Variants in RAB27A observed in about 807,000 individuals in gnomAD.
The protein encoded by RAB27A is ras-related protein Rab-27A.
Under a neutral mutation model 20.8 loss-of-function variants are expected in RAB27A, and 17 were observed. The ratio of observed to expected loss-of-function variants is 0.82; its 90% CI spans 0.56 to 1.23. RAB27A has a LOEUF of 1.23. Ranked by LOEUF, RAB27A falls within the 50% of genes most tolerant of loss-of-function variation. RAB27A has a pLI of 0.00. For synonymous variants in RAB27A, 85 were observed against 92.8 expected (o/e 0.92, Z 0.48); for missense variants, 277 against 266.7 (o/e 1.04, Z -0.27).
rs927260388 is a variant in RAB27A at position 55,301,275 on chromosome 15, T to A, written c.-112+12764A>T. Among the ~76,000 whole-genome samples the A allele has an allele frequency of 6.6e-5, 10 of 152,158 alleles. 1 individual carries two copies. The highest frequency in any genetic ancestry group is 5.9e-4 in the Admixed American group (9 of 15,276). On this transcript the variant is annotated intron_variant, in intron 2 of 5. Transcript: ENST00000563262. Reference sequence around the variant, plus strand: ...GCTCGGCTAATTTTTCTATTTTTGGTAGAGACAGGTTCAACATATTGGCCA... The same window carrying A: ...GCTCGGCTAATTTTTCTATTTTTGGAAGAGACAGGTTCAACATATTGGCCA...
chr15:55,262,796 C>A (rs1286895877), intron 2 of RAB27A, among the ~76,000 whole-genome samples: 2 of 151,986 alleles, frequency 1.3e-5, no homozygotes, highest in Non-Finnish European at 1.5e-5. Flanking sequence ...CTCAAGCCAC[C>A]CACCTGCCTC....
intron 1 of RAB27A, among the ~76,000 whole-genome samples, chr15:55,314,955 G>A (rs2055036637): frequency 6.6e-6 from 1 of 152,060 alleles, no homozygotes; most frequent in South Asian, 2.1e-4. Context: ...ATATAGCCAA[G>A]GCAACCCCAA....
At chr15:55,296,163 G>C (rs2054948445) in intron 2 of RAB27A, among the ~76,000 whole-genome samples, 1 of 151,070 alleles carries the variant, frequency 6.6e-6, no homozygotes, top group South Asian at 2.1e-4. Context: ...CAAAGTGCTG[G>C]GATTACAGGT....
chr15:55,226,935 GA>G (rs1395239560), intron 5 of RAB27A, among the ~76,000 whole-genome samples: 2 of 150,036 alleles, frequency 1.3e-5, no homozygotes, highest in Non-Finnish European at 3.0e-5. Context: ...ACAGGAAGAA[GA>G]AAAAAATAAA....
intron 1 of RAB27A, among the ~76,000 whole-genome samples, chr15:55,275,931 A>AAC (rs555281458): frequency 0.035 from 5,244 of 150,188 alleles, 129 homozygotes; most frequent in Non-Finnish European, 0.05. Context: ...AAAAAAAAAA[A>AAC]AAAAAAAAAC....
intron 2 of RAB27A, chr15:55,259,962 C>A (rs1897215739): frequency 6.6e-6 from 1 of 152,172 alleles, no homozygotes; most frequent in Non-Finnish European, 1.5e-5. Flanking sequence ...ATCTGAGTTC[C>A]TCAAAAACCA....
At chr15:55,235,103 G>A in intron 2 of RAB27A, 147 bp from the exon 3 acceptor site, 1 of 670,314 alleles carries the variant, frequency 1.5e-6, no homozygotes, top group Non-Finnish European at 2.5e-6. Flanking sequence ...CATACATATT[G>A]TTCACCATCC....
At chr15:55,244,213 G>C (rs554397552) in intron 2 of RAB27A, among the ~76,000 whole-genome samples, 1 of 152,224 alleles carries the variant, frequency 6.6e-6, no homozygotes, top group African/African-American at 2.4e-5. Context: ...ACTCAGCGGG[G>C]TTGAGGCAGG....
chr15:55,253,084 A>G (rs953700206), intron 2 of RAB27A, among the ~76,000 whole-genome samples: 1 of 151,096 alleles, frequency 6.6e-6, no homozygotes, highest in Non-Finnish European at 1.5e-5. Context: ...GTGAGCCAAG[A>G]TCGTGCCACT....
At chr15:55,214,635 A>C (rs111395422) in intron 6 of RAB27A, among the ~76,000 whole-genome samples, 41 of 152,322 alleles carry the variant, frequency 2.7e-4, no homozygotes, top group African/African-American at 9.1e-4. Context: ...TGGTCTTCGC[A>C]GTTTTTAAAC....
chr15:55,278,129 T>C (rs569609826), intron 1 of RAB27A, among the ~76,000 whole-genome samples: 2 of 152,348 alleles, frequency 1.3e-5, no homozygotes, highest in South Asian at 4.1e-4. Context: ...GCTTTATATA[T>C]AGTGGACTTC....
chr15:55,228,491 A>G, intron 5 of RAB27A, 118 bp downstream of exon 5: 1 of 809,924 alleles, frequency 1.2e-6, no homozygotes, highest in Non-Finnish European at 2.1e-6. Flanking sequence ...GCTCCTTAAA[A>G]TAGTATTTGC....
chr15:55,246,482 C>T (rs1471521363), intron 2 of RAB27A, among the ~76,000 whole-genome samples: 1 of 151,328 alleles, frequency 6.6e-6, no homozygotes, highest in African/African-American at 2.4e-5. Flanking sequence ...ATTTGTTGCC[C>T]AAGGCTCTTC....
intron 6 of RAB27A, among the ~76,000 whole-genome samples, chr15:55,210,000 G>A (rs1466436900): frequency 7.0e-6 from 1 of 142,676 alleles, no homozygotes. Flanking sequence ...ACGCATATAT[G>A]TGTGTACATG....
chr15:55,248,711 A>C (rs1360599741), intron 2 of RAB27A, among the ~76,000 whole-genome samples: 1 of 152,254 alleles, frequency 6.6e-6, no homozygotes, highest in Non-Finnish European at 1.5e-5. Flanking sequence ...TTTTAAAAAC[A>C]TTAAACTAGG....
intron 1 of RAB27A, among the ~76,000 whole-genome samples, chr15:55,283,635 C>A (rs1424400841): frequency 6.6e-6 from 1 of 152,054 alleles, no homozygotes; most frequent in Non-Finnish European, 1.5e-5. Flanking sequence ...GGAGTTGTTT[C>A]CTTGAAATGA....
intron 2 of RAB27A, among the ~76,000 whole-genome samples, chr15:55,312,071 C>T (rs1257462346): frequency 6.6e-6 from 1 of 152,206 alleles, no homozygotes; most frequent in African/African-American, 2.4e-5. Context: ...AACCCAGTGA[C>T]TAGTGTTCAG....
At chr15:55,279,850 T>C (rs928884238) in intron 1 of RAB27A, among the ~76,000 whole-genome samples, 98 of 152,182 alleles carry the variant, frequency 6.4e-4, no homozygotes, top group Non-Finnish European at 9.3e-4. Context: ...ACTCATCAAC[T>C]ACAAAGGCCG....
chr15:55,241,572 A>G (rs1896479451), intron 2 of RAB27A, among the ~76,000 whole-genome samples: 1 of 147,122 alleles, frequency 6.8e-6, no homozygotes, highest in Non-Finnish European at 1.5e-5. Flanking sequence ...GGAGTTCAAG[A>G]CTAGCCCAGG....
Sources: gnomAD v4.1 joint callset for allele counts (sites outside exome capture counted in the v4.1 genomes callset) on GRCh38, gnomAD v4.1.1 for gene constraint, MANE v1.5 for transcripts, NCBI Gene and HGNC (gene_info 2026-07-23, HGNC 2026-07-21) for gene names.